Variants in DGKD observed in about 807,000 individuals in gnomAD.
DGKD encodes the protein DAG kinase delta.
Under a neutral mutation model 154.4 loss-of-function variants are expected in DGKD, and 68 were observed. The ratio of observed to expected loss-of-function variants is 0.44; its 90% CI spans 0.36 to 0.54. The LOEUF (loss-of-function observed/expected upper bound fraction) is 0.54, where lower values mean the gene tolerates loss of function less well. DGKD is among the 20% of genes least tolerant of loss of function. DGKD has a pLI of 0.00. For missense variants in DGKD, 1,343 were observed against 1,593.6 expected (o/e 0.84, Z 2.68); for synonymous variants, 693 against 638.0 (o/e 1.09, Z -1.30).
At chr2:233,426,029 A>G (rs1338101815) in intron 3 of DGKD, among the ~76,000 whole-genome samples, 1 of 152,242 alleles carries the variant, frequency 6.6e-6, no homozygotes, top group Non-Finnish European at 1.5e-5. Flanking sequence ...AGTAGACCAT[A>G]TTATAAAACA....
At chr2:233,365,433 G>T (rs534461334) in intron 1 of DGKD, among the ~76,000 whole-genome samples, 1 of 152,020 alleles carries the variant, frequency 6.6e-6, no homozygotes, top group Non-Finnish European at 1.5e-5. Context: ...GAGATGGAGG[G>T]GGGGTCTCAC....
chr2:233,436,886 G>A (rs915814881), intron 7 of DGKD, among the ~76,000 whole-genome samples: 1 of 152,228 alleles, frequency 6.6e-6, no homozygotes, highest in Non-Finnish European at 1.5e-5. Context: ...GGGTCTCATC[G>A]TTGCTCTGGG....
At chr2:233,381,203 C>A (rs956820652) in intron 1 of DGKD, among the ~76,000 whole-genome samples, 3 of 152,238 alleles carry the variant, frequency 2.0e-5, no homozygotes, top group Non-Finnish European at 2.9e-5. Context: ...TGATGTGGCA[C>A]ACACTCCGTT....
rs773526174 is a variant in DGKD, at chr2:233,459,874, A to G, written c.2812A>G (p.Thr938Ala). The G allele has an allele frequency of 1.2e-6, 2 of 1,613,938 alleles. No individual in the cohort carries two copies. Among genetic ancestry groups the G allele is most frequent in the Non-Finnish European group, 1.7e-6 (2 of 1,179,912 alleles). ...IRIVHKNRAQ[T>A]LTRDRAFEST... ...GATTGTCCACAAGAACCGGGCACAG[A>G]CACTGACCAGAGACAGGGTAAGAGC... Residue 938 changes from threonine (T) to alanine (A), a missense_variant, in exon 23 of 30, where the codon ACA (threonine) becomes GCA (alanine). Transcript: ENST00000264057. This position sits in a 1 kb window ranked among gnomAD's most constrained non-coding sequence, Gnocchi z 5.7.
At chr2:233,363,086 T>G (rs1701859560) in intron 1 of DGKD, among the ~76,000 whole-genome samples, 1 of 152,250 alleles carries the variant, frequency 6.6e-6, no homozygotes, top group Non-Finnish European at 1.5e-5. Flanking sequence ...GAGTATATTC[T>G]TCCTACTTAT....
chr2:233,460,023 A>G, intron 23 of DGKD, 132 bp downstream of exon 23: 1 of 1,448,672 alleles, frequency 6.9e-7, no homozygotes, highest in Non-Finnish European at 9.1e-7. Flanking sequence ...ACAATGATTA[A>G]GCTAATAGGG....
intron 3 of DGKD, among the ~76,000 whole-genome samples, chr2:233,432,165 G>A (rs2062537438): frequency 1.4e-5 from 2 of 145,084 alleles, no homozygotes; most frequent in Admixed American, 1.3e-4. Context: ...GCCAAGGTGG[G>A]CGGATCACGA....
intron 3 of DGKD, chr2:233,392,338 T>C (rs1302166000): frequency 6.6e-6 from 1 of 152,202 alleles, no homozygotes; most frequent in Non-Finnish European, 1.5e-5. Flanking sequence ...GGCATTAATT[T>C]AGATGTTCAT....
rs369489240 is a variant in DGKD, at chr2:233,471,961, G to T, written c.*2501G>T. 1 of 152,400 alleles carries T rather than the reference G, an allele frequency of 6.6e-6. No individual in the cohort carries two copies. 9.4% of individuals were successfully genotyped at this position (152,400 alleles called of 1,614,324 possible). ...GCCCTCAGGTGGGGCTTACCCCCTC[G>T]TATTTATAATCTTAATTTATATAGT... On this transcript the variant is annotated 3_prime_UTR_variant, in exon 30 of 30. Transcript: ENST00000264057.
At chr2:233,396,920 G>C (rs1270945572) in intron 3 of DGKD, among the ~76,000 whole-genome samples, 3 of 133,082 alleles carry the variant, frequency 2.3e-5, no homozygotes, top group Non-Finnish European at 5.0e-5. Context: ...GAGGGGACCA[G>C]CGTGGCTGGG....
chr2:233,437,232 C>G, intron 7 of DGKD, 145 bp from the exon 8 acceptor site: 1 of 711,550 alleles, frequency 1.4e-6, no homozygotes, highest in Non-Finnish European at 2.4e-6. Flanking sequence ...CAGGCCGGCC[C>G]AGGGCCCCTG....
chr2:233,421,804 T>C (rs2062124792), intron 3 of DGKD, among the ~76,000 whole-genome samples: 1 of 152,266 alleles, frequency 6.6e-6, no homozygotes, highest in African/African-American at 2.4e-5. Flanking sequence ...AATAAGTCTT[T>C]AATTTACTGC....
Position 233,464,304 on chromosome 2 carries a change from T to C in DGKD, c.3306+21T>C, listed in dbSNP as rs372123370. 3 of 1,610,356 alleles carry C rather than the reference T, an allele frequency of 1.9e-6. No individual in the cohort carries two copies. The African/African-American group carries it at 4.0e-5, about 22-fold the overall frequency. ...AAGAGGTATGTGGCTCATAGGGCTG[T>C]GCCTGGGTCTCCCGGACATGGTGGC... On this transcript the variant is annotated intron_variant, in intron 27 of 29. Transcript: ENST00000264057.
At chr2:233,419,465 T>G (rs2062046998) in intron 3 of DGKD, 1 of 984,432 alleles carries the variant, frequency 1.0e-6, no homozygotes, top group Non-Finnish European at 1.2e-6. Context: ...TGGGAGGCTG[T>G]TGGGTGGTGA....
At chr2:233,393,399 T>C (rs979194976) in intron 3 of DGKD, among the ~76,000 whole-genome samples, 2 of 148,518 alleles carry the variant, frequency 1.3e-5, no homozygotes, top group Admixed American at 1.4e-4. Flanking sequence ...TATAGTGCTG[T>C]GATCTCGGCT....
chr2:233,446,804 T>C lies in DGKD; in HGVS notation c.1419+8T>C, dbSNP rs1037861411. 6.2e-7 allele frequency: 1 copy of C among 1,614,120 alleles called. No individual in the cohort carries two copies. Among genetic ancestry groups the C allele is most frequent in the Non-Finnish European group, 8.5e-7 (1 of 1,179,960 alleles). ...TTCAGCGAGGATTCCGAGGTATTGCTGGCCTGTTCTTCACACCCTGCTCGC... is the reference window on the plus strand; with the variant it reads ...TTCAGCGAGGATTCCGAGGTATTGCCGGCCTGTTCTTCACACCCTGCTCGC... On this transcript the variant is annotated splice_region_variant and intron_variant, in intron 12 of 29. Transcript: ENST00000264057.
chr2:233,437,455 G>T lies in DGKD; in HGVS notation c.898G>T (p.Ala300Ser). ...LCKVSVIPPTALNSIDSDGFW... is the reference protein window; with the variant it reads ...LCKVSVIPPTSLNSIDSDGFW... Reference sequence around the variant, plus strand: ...CAAAGTGTCAGTCATCCCACCCACGGCTCTCAACAGCATCGACTCCGATGG... The same window carrying T: ...CAAAGTGTCAGTCATCCCACCCACGTCTCTCAACAGCATCGACTCCGATGG... Residue 300 changes from alanine (A) to serine (S), a missense_variant, in exon 8 of 30, where the codon GCT (alanine) becomes TCT (serine). Around this residue, in one of 6 missense-constraint regions of DGKD, gnomAD observed 332 missense variants for 400.1 expected, o/e 0.83. Transcript: ENST00000264057. 6.2e-7 allele frequency: 1 copy of T among 1,614,180 alleles called. No individual in the cohort carries two copies. Among genetic ancestry groups the T allele is most frequent in the Non-Finnish European group, 8.5e-7 (1 of 1,180,020 alleles).
At chr2:233,394,790 C>T (rs1013525138) in intron 3 of DGKD, among the ~76,000 whole-genome samples, 9 of 139,192 alleles carry the variant, frequency 6.5e-5, no homozygotes, top group Middle Eastern at 4.3e-3. Context: ...TCACTGCAGC[C>T]TCAAACTCCT....
chr2:233,439,319 C>G (rs1003588142), intron 9 of DGKD, among the ~76,000 whole-genome samples: 1 of 152,166 alleles, frequency 6.6e-6, no homozygotes, highest in Non-Finnish European at 1.5e-5. Flanking sequence ...TCGGCCAGCT[C>G]CCTGCGTGTC....
Sources: gnomAD v4.1 joint callset for allele counts (sites outside exome capture counted in the v4.1 genomes callset) on GRCh38, gnomAD v4.1.1 for gene constraint, gnomAD v4.1.1 regional missense constraint, Gnocchi (gnomAD v3.1) non-coding constraint, MANE v1.5 for transcripts, NCBI Gene and HGNC (gene_info 2026-07-23, HGNC 2026-07-21) for gene names.